The following DOP1B variants were observed in gnomAD, a reference collection of about 807,000 sequenced individuals.
The protein encoded by DOP1B is DOP1 leucine zipper like protein B.
In DOP1B, 174 loss-of-function variants were observed where a neutral mutation model predicts 233.5. That is an observed-to-expected ratio of 0.75 (90% CI 0.66 to 0.85). The LOEUF (loss-of-function observed/expected upper bound fraction) is 0.85, where lower values mean the gene tolerates loss of function less well. DOP1B is among the 40% of genes least tolerant of loss of function. The probability of loss-of-function intolerance (pLI) is 0.00; values close to 1 mark genes in which losing one functional copy is unlikely to be tolerated. For missense variants in DOP1B, 2,652 were observed against 2,846.6 expected (o/e 0.93, Z 1.56); for synonymous variants, 1,190 against 1,185.6 (o/e 1.00, Z -0.08).
chr21:36,231,502 A>G (rs2066764425), intron 14 of DOP1B, among the ~76,000 whole-genome samples: 1 of 152,100 alleles, frequency 6.6e-6, no homozygotes, highest in African/African-American at 2.4e-5. Flanking sequence ...TAATTAGTAC[A>G]TTTTTGACTT....
At chr21:36,181,071 G>A (rs1286194616) in intron 2 of DOP1B, among the ~76,000 whole-genome samples, 1 of 152,106 alleles carries the variant, frequency 6.6e-6, no homozygotes, top group African/African-American at 2.4e-5. Context: ...TATTTTGCTA[G>A]CATTTCCTGG....
At chr21:36,242,758 G>C (rs1169847522) in intron 18 of DOP1B, among the ~76,000 whole-genome samples, 1 of 152,122 alleles carries the variant, frequency 6.6e-6, no homozygotes, top group Non-Finnish European at 1.5e-5. Context: ...AAAATGATAA[G>C]TGTCCTGCTT....
intron 21 of DOP1B, among the ~76,000 whole-genome samples, chr21:36,250,200 A>G (rs3787732): frequency 0.59 from 89,282 of 152,030 alleles, 26,652 homozygotes; most frequent in African/African-American, 0.69. Context: ...ATGGTGGAAA[A>G]GAGGGGACAG....
chr21:36,162,853 A>T (rs2065880434), intron 1 of DOP1B, among the ~76,000 whole-genome samples: 1 of 151,918 alleles, frequency 6.6e-6, no homozygotes, highest in African/African-American at 2.4e-5. Flanking sequence ...GCCGCCAGGG[A>T]ATGTATTTAG....
chr21:36,260,626 T>C lies in DOP1B; in HGVS notation c.5260-51T>C, dbSNP rs141392545. 1.3e-4 allele frequency: 210 copies of C among 1,609,892 alleles called. No homozygotes were observed. In the African/African-American group the frequency reaches 2.3e-3, roughly 18 times the overall value. ...GTTTCATTTTGTATCTGAATTCTTT[T>C]AGCCTTATTTCCCACCAACTCGGAG... On this transcript the variant is annotated intron_variant, in intron 23 of 36. Coordinates refer to ENST00000691173, the MANE Select transcript of DOP1B (RefSeq NM_001320714.2).
At chr21:36,186,978 G>A (rs543109170) in intron 2 of DOP1B, among the ~76,000 whole-genome samples, 1 of 152,078 alleles carries the variant, frequency 6.6e-6, no homozygotes, top group East Asian at 2.0e-4. Flanking sequence ...TTAGGAGCTC[G>A]ACCGGCGGCC....
At chr21:36,190,946 A>T (rs529361534) in intron 2 of DOP1B, among the ~76,000 whole-genome samples, 210 of 152,270 alleles carry the variant, frequency 1.4e-3, no homozygotes, top group African/African-American at 4.9e-3. Context: ...GCAGCCCTGG[A>T]CCTGCCGGGA....
chr21:36,232,806 G>T lies in DOP1B; in HGVS notation c.2353G>T (p.Ala785Ser), dbSNP rs759572579. 3 of 1,612,186 alleles carry T rather than the reference G, an allele frequency of 1.9e-6. No individual in the cohort carries two copies. In the East Asian group the frequency reaches 6.7e-5, roughly 36 times the overall value. The change falls in exon 15 of 37, where the codon GCC (alanine) becomes TCC (serine). Residue 785 changes from alanine to serine, a missense_variant and splice_region_variant. By Grantham distance (99) the Ala-to-Ser change is moderately conservative. Transcript: ENST00000691173. ...CTCTCCGGCTGGCTTCCTTTCAGGA[G>T]CCGGTGATTCCAGTTTTCCATCTTG... ...LCATLFQLPG[A>S]GDSSFPSWLK...
intron 26 of DOP1B, 121 bp from the exon 27 acceptor site, chr21:36,269,892 T>C: frequency 1.0e-6 from 1 of 973,408 alleles, no homozygotes; most frequent in Non-Finnish European, 1.5e-6. Flanking sequence ...GAAAGCTTAA[T>C]GGTACGTATA....
chr21:36,212,411 A>G (rs1211889216), intron 7 of DOP1B, among the ~76,000 whole-genome samples: 2 of 152,260 alleles, frequency 1.3e-5, no homozygotes, highest in African/African-American at 4.8e-5. Context: ...GCCTGTTGCT[A>G]TGGAGAAGTT....
intron 15 of DOP1B, among the ~76,000 whole-genome samples, chr21:36,235,171 A>G (rs181599606): frequency 1.6e-4 from 24 of 152,308 alleles, no homozygotes; most frequent in Admixed American, 4.6e-4. Flanking sequence ...TGCTGGAACT[A>G]GAGACACAGC....
intron 5 of DOP1B, 63 bp downstream of exon 5, chr21:36,208,967 G>C (rs2066461951): frequency 2.8e-6 from 4 of 1,426,004 alleles, no homozygotes; most frequent in Admixed American, 5.8e-5. Context: ...GCATCCTCAT[G>C]GGCAGGTTGT....
chr21:36,257,265 C>A (rs2067109947), intron 23 of DOP1B, among the ~76,000 whole-genome samples: 1 of 152,166 alleles, frequency 6.6e-6, no homozygotes, highest in African/African-American at 2.4e-5. Context: ...CAAACCCAGT[C>A]CTCTTGGGCC....
intron 2 of DOP1B, among the ~76,000 whole-genome samples, chr21:36,198,543 A>G (rs1002652923): frequency 1.3e-5 from 2 of 152,098 alleles, no homozygotes; most frequent in Admixed American, 1.3e-4. Flanking sequence ...CACACTCTCG[A>G]CCTTGCTTCT....
chr21:36,198,802 C>T (rs116001573), intron 2 of DOP1B, among the ~76,000 whole-genome samples: 79 of 152,334 alleles, frequency 5.2e-4, no homozygotes, highest in Middle Eastern at 3.4e-3. Context: ...GATGGAGAAG[C>T]ACACGGCCCT....
chr21:36,168,847 T>A (rs937323934), intron 2 of DOP1B: 3 of 345,226 alleles, frequency 8.7e-6, no homozygotes, highest in African/African-American at 6.4e-5. Flanking sequence ...TTCAGTTTTT[T>A]AAAAATGATA....
chr21:36,241,075 G>C (rs77297932), intron 18 of DOP1B, among the ~76,000 whole-genome samples: 5 of 151,968 alleles, frequency 3.3e-5, no homozygotes, highest in African/African-American at 1.2e-4. Context: ...CAGGCAGATC[G>C]TGAGGTCAAG....
At chr21:36,259,327 G>A (rs2067143806) in intron 23 of DOP1B, among the ~76,000 whole-genome samples, 1 of 148,400 alleles carries the variant, frequency 6.7e-6, no homozygotes, top group South Asian at 2.1e-4. Flanking sequence ...CTAGAGTGCA[G>A]TGGCGTGATC....
At position 36,271,697 on chromosome 21, in the gene DOP1B, C is replaced by T. The variant is rs1405977306; in HGVS notation, c.5632+1540C>T. Among the ~76,000 whole-genome samples the T allele has an allele frequency of 2.0e-5, 3 of 152,082 alleles. 1 individual carries two copies. Among genetic ancestry groups the T allele is most frequent in the African/African-American group, 7.3e-5 (3 of 41,330 alleles). On this transcript the variant is annotated intron_variant, in intron 27 of 36. Coordinates refer to ENST00000691173, the MANE Select transcript of DOP1B (RefSeq NM_001320714.2). ...GGTGTCCCACCATGTGTATGCCATC[C>T]TGCTGACCTTCACTGAGCCTCAGTG...
Sources: allele counts gnomAD v4.1 joint callset (sites outside exome capture counted in the v4.1 genomes callset), GRCh38; gene constraint gnomAD v4.1.1; transcripts MANE v1.5; gene names NCBI Gene and HGNC (gene_info 2026-07-23, HGNC 2026-07-21).